Variants in SCN9A observed in about 807,000 individuals in gnomAD.
SCN9A encodes sodium channel protein type 9 subunit alpha.
A neutral mutation model predicts 187.0 loss-of-function variants in SCN9A; 131 were observed. The observed-to-expected ratio is 0.70, with a 90% CI of 0.61 to 0.81. The LOEUF (loss-of-function observed/expected upper bound fraction) is 0.81, where lower values mean the gene tolerates loss of function less well. SCN9A is among the 30% of genes least tolerant of loss of function. The pLI is 0.00. For missense variants in SCN9A, 2,252 were observed against 2,396.6 expected (o/e 0.94, Z 1.26); for synonymous variants, 809 against 808.6 (o/e 1.00, Z -0.01).
intron 1 of SCN9A, among the ~76,000 whole-genome samples, chr2:166,350,612 T>C (rs1471765053): frequency 1.6e-4 from 25 of 152,206 alleles, no homozygotes; most frequent in Non-Finnish European, 1.5e-5. Flanking sequence ...CCTAGACACA[T>C]TGAATTGAGC....
chr2:166,221,058 T>G (rs1271915646), intron 24 of SCN9A, among the ~76,000 whole-genome samples: 2 of 152,200 alleles, frequency 1.3e-5, no homozygotes, highest in South Asian at 2.1e-4. Flanking sequence ...AAATCCCATT[T>G]ATGATAACAT....
Position 166,242,588 on chromosome 2 carries a change from T to C in SCN9A, c.3541A>G (p.Ile1181Val), listed in dbSNP as rs1056153064. 4 of 1,565,600 alleles carry C rather than the reference T, an allele frequency of 2.6e-6. No individual in the cohort carries two copies. Among genetic ancestry groups the C allele is most frequent in the Non-Finnish European group, 3.5e-6 (4 of 1,154,346 alleles). Residue 1181 changes from isoleucine to valine, a missense_variant, in exon 19 of 27, where the codon ATC (isoleucine) becomes GTC (valine). Physicochemically the swap from Ile to Val is conservative, Grantham distance 29. Transcript: ENST00000642356. Reference protein sequence around the residue: ...ESGKGKIWWNIRKTCYKIVEH... With the variant: ...ESGKGKIWWNVRKTCYKIVEH... ...ACAATCTTGTAGCAGGTTTTCCTGA[T>C]GTTCCACCAGATTTTTCCTTTCCCT...
chr2:166,241,029 C>T (rs1467799057), intron 19 of SCN9A, among the ~76,000 whole-genome samples: 1 of 152,126 alleles, frequency 6.6e-6, no homozygotes, highest in Non-Finnish European at 1.5e-5. Flanking sequence ...ACTCATGCTA[C>T]TTTCCACACA....
intron 2 of SCN9A, among the ~76,000 whole-genome samples, chr2:166,308,748 C>T (rs1012023759): frequency 6.6e-6 from 1 of 151,754 alleles, no homozygotes; most frequent in African/African-American, 2.4e-5. Flanking sequence ...CGGTGAATCC[C>T]CGTCTCTACT....
At position 166,199,557 on chromosome 2, in the gene SCN9A, A is replaced by G; in HGVS notation, c.5082T>C (p.Ile1694=). 1 of 1,614,172 alleles carries G rather than the reference A, an allele frequency of 6.2e-7. No homozygotes were observed. Among genetic ancestry groups the G allele is most frequent in the Non-Finnish European group, 8.5e-7 (1 of 1,180,036 alleles). The change falls in exon 27 of 27, where the codon ATT becomes ATC. Residue 1694 remains isoleucine (I), a synonymous_variant. Transcript: ENST00000642356. Reference sequence around the variant, plus strand: ...ATCCATCCCAGCCAGCAGAGGTTGTAATTTGGAACAGGCAAATCATACTGT... The same window carrying G: ...ATCCATCCCAGCCAGCAGAGGTTGTGATTTGGAACAGGCAAATCATACTGT... ...FGNSMICLFQ[I]TTSAGWDGLL...
intron 21 of SCN9A, among the ~76,000 whole-genome samples, chr2:166,230,771 T>A (rs920780343): frequency 6.6e-6 from 1 of 152,170 alleles, no homozygotes; most frequent in African/African-American, 2.4e-5. Context: ...CACTGTACTC[T>A]GTGTTTTTTA....
chr2:166,337,426 G>C (rs1449700558), intron 1 of SCN9A, among the ~76,000 whole-genome samples: 3 of 152,042 alleles, frequency 2.0e-5, no homozygotes, highest in Non-Finnish European at 4.4e-5. Context: ...ATGGGAGGCT[G>C]GGTTGGAAAT....
intron 12 of SCN9A, among the ~76,000 whole-genome samples, chr2:166,282,947 G>A (rs73969653): frequency 0.15 from 22,944 of 152,054 alleles, 2,372 homozygotes; most frequent in African/African-American, 0.28. Flanking sequence ...TAGAGATGAC[G>A]TTATTAGTTA....
At chr2:166,211,393 A>C (rs898355114) in intron 24 of SCN9A, among the ~76,000 whole-genome samples, 1 of 152,258 alleles carries the variant, frequency 6.6e-6, no homozygotes, top group African/African-American at 2.4e-5. Context: ...GAAATGCTAA[A>C]GTGAGTTCTT....
At chr2:166,230,152 A>G (rs917860856) in intron 21 of SCN9A, among the ~76,000 whole-genome samples, 1 of 152,180 alleles carries the variant, frequency 6.6e-6, no homozygotes, top group African/African-American at 2.4e-5. Context: ...TGGGTCATAC[A>G]TAAACAAACT....
intron 19 of SCN9A, among the ~76,000 whole-genome samples, chr2:166,240,374 A>C (rs972873194): frequency 7.2e-5 from 11 of 152,180 alleles, no homozygotes; most frequent in Non-Finnish European, 1.5e-4. Context: ...TTTAATTGGC[A>C]ACCTGTCTAA....
Position 166,293,380 on chromosome 2 carries a change from C to G in SCN9A, c.966-8G>C, listed in dbSNP as rs199942413. The G allele has an allele frequency of 6.9e-6, 11 of 1,596,598 alleles. No homozygotes were observed. Among genetic ancestry groups the G allele is most frequent in the Middle Eastern group, 1.7e-4 (1 of 5,976 alleles). On this transcript the variant is annotated splice_region_variant and splice_polypyrimidine_tract_variant and intron_variant, in intron 8 of 26. Coordinates refer to ENST00000642356, the MANE Select transcript of SCN9A (RefSeq NM_001365536.1). ...TACCCCTCTGGACACTGACTACACA[C>G]GAGAAAGAACATTATAGGTGAGAGT...
At chr2:166,207,698 C>A (rs922140602) in intron 24 of SCN9A, among the ~76,000 whole-genome samples, 2 of 152,166 alleles carry the variant, frequency 1.3e-5, no homozygotes, top group Non-Finnish European at 2.9e-5. Flanking sequence ...GCCTTGGCCT[C>A]CCAAAGTGCT....
At chr2:166,256,273 A>C (rs1394671802) in intron 17 of SCN9A, among the ~76,000 whole-genome samples, 1 of 151,210 alleles carries the variant, frequency 6.6e-6, no homozygotes, top group Non-Finnish European at 1.5e-5. Flanking sequence ...AGTGCTTTTC[A>C]TCTTGAGTGT....
intron 7 of SCN9A, chr2:166,301,024 C>A (rs1279241223): frequency 6.7e-6 from 1 of 150,320 alleles, no homozygotes; most frequent in East Asian, 1.9e-4. Flanking sequence ...CCTGCCTCAG[C>A]CTCCTGAGTA....
chr2:166,214,020 C>CT (rs1327703314), intron 24 of SCN9A, among the ~76,000 whole-genome samples: 7 of 152,090 alleles, frequency 4.6e-5, no homozygotes, highest in South Asian at 2.1e-4. Context: ...TAGAACCCAA[C>CT]TTTTTTTTAA....
intron 24 of SCN9A, among the ~76,000 whole-genome samples, chr2:166,211,486 C>T (rs1694091157): frequency 6.6e-6 from 1 of 151,290 alleles, no homozygotes; most frequent in Non-Finnish European, 1.5e-5. Context: ...AATACATGGA[C>T]AAATAGAGAA....
At chr2:166,227,756 T>C in intron 22 of SCN9A, 33 bp from the exon 23 acceptor site, 1 of 1,070,380 alleles carries the variant, frequency 9.3e-7, no homozygotes, top group South Asian at 1.4e-5. Context: ...ATTTGAATGT[T>C]AAGCTCATAT....
At chr2:166,286,951 A>G (rs575684759) in intron 10 of SCN9A, among the ~76,000 whole-genome samples, 1 of 152,328 alleles carries the variant, frequency 6.6e-6, no homozygotes, top group East Asian at 1.9e-4. Flanking sequence ...TAAACCATGC[A>G]ATAAGACAGA....
Sources: allele counts gnomAD v4.1 joint callset (sites outside exome capture counted in the v4.1 genomes callset), GRCh38; gene constraint gnomAD v4.1.1; transcripts MANE v1.5; gene names NCBI Gene and HGNC (gene_info 2026-07-23, HGNC 2026-07-21).